CTNNA2: variants seen among roughly 807,000 people sequenced by gnomAD.
CTNNA2 encodes catenin alpha 2, also known as catenin alpha-2.
In CTNNA2, 42 loss-of-function variants were observed where a neutral mutation model predicts 101.0. That is an observed-to-expected ratio of 0.42 (90% CI 0.32 to 0.54). The LOEUF is 0.54. Ranked by LOEUF, CTNNA2 falls within the 20% of genes least tolerant of loss-of-function variation. The pLI is 0.14. For synonymous variants in CTNNA2, 450 were observed against 456.4 expected, an observed-to-expected ratio of 0.99 and a Z score of 0.18; for missense variants, 871 against 1,223.1, an observed-to-expected ratio of 0.71 and a Z score of 4.29.
intron 1 of CTNNA2, among the ~76,000 whole-genome samples, chr2:79,579,191 TCTTCCTTC>T (rs1330113133): frequency 1.4e-5 from 2 of 146,104 alleles, no homozygotes; most frequent in Admixed American, 6.8e-5. Context: ...TTCCTTCCTT[TCTTCCTTC>T]CTTCCTCCTT....
intron 7 of CTNNA2, among the ~76,000 whole-genome samples, chr2:80,121,885 G>T (rs1701855295): frequency 6.6e-6 from 1 of 152,124 alleles, no homozygotes; most frequent in African/African-American, 2.4e-5. Flanking sequence ...CTGTTTGGAA[G>T]ATCAGACATG....
At chr2:80,523,623 G>T (rs1689767253) in intron 9 of CTNNA2, among the ~76,000 whole-genome samples, 2 of 152,152 alleles carry the variant, frequency 1.3e-5, no homozygotes, top group African/African-American at 4.8e-5. Flanking sequence ...AGCGAGCTCG[G>T]CTCCCCTGTT....
intron 2 of CTNNA2, among the ~76,000 whole-genome samples, chr2:79,709,065 G>C (rs1388400123): frequency 1.3e-5 from 2 of 152,166 alleles, no homozygotes; most frequent in Non-Finnish European, 2.9e-5. Context: ...AAATTGAAAA[G>C]TAAGATAAAT....
At chr2:80,285,922 T>A (rs1209674765) in intron 7 of CTNNA2, among the ~76,000 whole-genome samples, 1 of 152,184 alleles carries the variant, frequency 6.6e-6, no homozygotes, top group African/African-American at 2.4e-5. Flanking sequence ...TTTTTTCTTT[T>A]CAAAATTGCA....
chr2:80,213,422 C>A (rs1290675698), intron 7 of CTNNA2, among the ~76,000 whole-genome samples: 4 of 152,062 alleles, frequency 2.6e-5, no homozygotes, highest in South Asian at 4.1e-4. Flanking sequence ...TGTCTTTGTT[C>A]TTATTGGTTT....
At chr2:80,422,003 G>T (rs926358833) in intron 9 of CTNNA2, among the ~76,000 whole-genome samples, 2 of 151,940 alleles carry the variant, frequency 1.3e-5, no homozygotes, top group African/African-American at 4.8e-5. Context: ...ATTTCCTTTT[G>T]GATTTTCTAT....
Position 79,556,911 on chromosome 2 carries a change from T to G in CTNNA2, c.-6+43704T>G, listed in dbSNP as rs748437273. ...AATCAGCAGTACCTTTTTGAGTCAC[T>G]TAATTTACCCATCTTTTTCTATCTC... On this transcript the variant is annotated intron_variant, in intron 1 of 18. Transcript: ENST00000402739. Among the ~76,000 whole-genome samples the G allele has an allele frequency of 2.4e-4, 36 of 152,020 alleles. 1 individual carries two copies. Among genetic ancestry groups the G allele is most frequent in the Non-Finnish European group, 4.0e-4 (27 of 67,908 alleles).
At chr2:79,489,360 G>T (rs1269241068) in intron 4 of CTNNA2, among the ~76,000 whole-genome samples, 1 of 152,156 alleles carries the variant, frequency 6.6e-6, no homozygotes, top group Non-Finnish European at 1.5e-5. Flanking sequence ...ATAGTCAAAA[G>T]ACTTGGGGAT....
intron 4 of CTNNA2, among the ~76,000 whole-genome samples, chr2:79,489,633 G>C (rs995904538): frequency 1.3e-5 from 2 of 152,108 alleles, no homozygotes; most frequent in East Asian, 1.9e-4. Context: ...TAAGATAACT[G>C]TATCTACCCC....
intron 9 of CTNNA2, among the ~76,000 whole-genome samples, chr2:80,523,727 G>T (rs993797501): frequency 6.6e-6 from 1 of 152,152 alleles, no homozygotes; most frequent in Admixed American, 6.5e-5. Flanking sequence ...TCATGCTAAG[G>T]TTAATACAGA....
At chr2:80,408,876 A>G (rs1415113363) in intron 8 of CTNNA2, among the ~76,000 whole-genome samples, 2 of 152,176 alleles carry the variant, frequency 1.3e-5, no homozygotes, top group Non-Finnish European at 1.5e-5. Flanking sequence ...CATTTTCTAT[A>G]TGCAACCAGA....
At chr2:79,505,986 T>G (rs1384059193) in intron 5 of CTNNA2, among the ~76,000 whole-genome samples, 2 of 152,222 alleles carry the variant, frequency 1.3e-5, no homozygotes, top group African/African-American at 4.8e-5. Flanking sequence ...AGGTTGAGTT[T>G]AACAAGATTG....
chr2:79,447,145 C>G (rs1678842010), intron 4 of CTNNA2, among the ~76,000 whole-genome samples: 1 of 151,902 alleles, frequency 6.6e-6, no homozygotes, highest in African/African-American at 2.4e-5. Flanking sequence ...TGTCCTTGTA[C>G]CATCATTATC....
At chr2:79,185,866 A>C (rs1377807710) in intron 1 of CTNNA2, among the ~76,000 whole-genome samples, 1 of 152,158 alleles carries the variant, frequency 6.6e-6, no homozygotes, top group African/African-American at 2.4e-5. Flanking sequence ...ACTGTTAGTG[A>C]AGGAAAAGGG....
intron 9 of CTNNA2, among the ~76,000 whole-genome samples, chr2:80,427,124 T>C (rs1350386517): frequency 6.6e-6 from 1 of 152,110 alleles, no homozygotes; most frequent in Non-Finnish European, 1.5e-5. Context: ...AAGAAAGAGA[T>C]GGTGCTTAAA....
At chr2:80,250,115 C>CT (rs1671638764) in intron 7 of CTNNA2, among the ~76,000 whole-genome samples, 1 of 151,772 alleles carries the variant, frequency 6.6e-6, no homozygotes, top group South Asian at 2.1e-4. Flanking sequence ...GCTCAAAGCA[C>CT]TTTTTACAAC....
intron 7 of CTNNA2, among the ~76,000 whole-genome samples, chr2:80,084,483 C>A (rs1390082425): frequency 1.3e-5 from 2 of 152,052 alleles, no homozygotes; most frequent in Non-Finnish European, 2.9e-5. Flanking sequence ...TTGCCCTTGG[C>A]TCATTATATA....
chr2:79,602,635 T>G (rs1677621250), intron 1 of CTNNA2, among the ~76,000 whole-genome samples: 1 of 152,154 alleles, frequency 6.6e-6, no homozygotes, highest in Admixed American at 6.6e-5. Flanking sequence ...ATATTAGAGC[T>G]AATATAATGA....
intron 6 of CTNNA2, among the ~76,000 whole-genome samples, chr2:79,874,549 G>C (rs930406981): frequency 6.6e-6 from 1 of 152,146 alleles, no homozygotes. Context: ...CTGTGGCTGC[G>C]GTGGCTCACC....
Sources: gnomAD v4.1 joint callset for allele counts (sites outside exome capture counted in the v4.1 genomes callset) on GRCh38, gnomAD v4.1.1 for gene constraint, MANE v1.5 for transcripts, NCBI Gene and HGNC (gene_info 2026-07-23, HGNC 2026-07-21) for gene names.